The following RAB11FIP3 variants were observed in gnomAD, a reference collection of about 807,000 sequenced individuals.
The protein encoded by RAB11FIP3 is RAB11 family interacting protein 3, also known as rab11 family-interacting protein 3.
RAB11FIP3 carries 17 observed loss-of-function variants against 77.8 expected under a neutral mutation model. The observed-to-expected ratio is 0.22, with a 90% CI of 0.15 to 0.33. The LOEUF (loss-of-function observed/expected upper bound fraction) is 0.33, where lower values mean the gene tolerates loss of function less well. Ranked by LOEUF, RAB11FIP3 falls within the 10% of genes least tolerant of loss-of-function variation. RAB11FIP3 has a pLI of 1.00. For synonymous variants in RAB11FIP3, 437 were observed against 448.2 expected (o/e 0.98, Z 0.31); for missense variants, 1,005 against 1,011.2 (o/e 0.99, Z 0.08).
chr16:441,121 T>C (rs1233211769), intron 1 of RAB11FIP3, among the ~76,000 whole-genome samples: 1 of 152,140 alleles, frequency 6.6e-6, no homozygotes, highest in Non-Finnish European at 1.5e-5. Flanking sequence ...TTTTGTATTT[T>C]TATTAGAGAC....
At chr16:510,039 C>T (rs988591378) in intron 8 of RAB11FIP3, among the ~76,000 whole-genome samples, 5 of 152,122 alleles carry the variant, frequency 3.3e-5, no homozygotes, top group Admixed American at 2.0e-4. Flanking sequence ...CCCGAGGCCC[C>T]GTGCCTCTGG....
At position 482,644 on chromosome 16, in the gene RAB11FIP3, C is replaced by T. The variant is rs780685169; in HGVS notation, c.1023C>T (p.Asp341=). 11 of 1,613,240 alleles carry T rather than the reference C, an allele frequency of 6.8e-6. 1 individual carries two copies. The highest frequency in any genetic ancestry group is 4.0e-5 in the African/African-American group (3 of 74,948). ...ACCCTGAGCTGCAACCTGAAGGGGA[C>T]GCAGACAGTGCCGGCGGCTCGGCCG... ...LVHPELQPEG[D]ADSAGGSAVP... The change falls in exon 4 of 14, where the codon GAC becomes GAT. Residue 341 remains aspartate, a synonymous_variant. Transcript: ENST00000262305.
At chr16:445,948 G>C (rs545263751) in intron 1 of RAB11FIP3, among the ~76,000 whole-genome samples, 101 of 152,208 alleles carry the variant, frequency 6.6e-4, no homozygotes, top group Middle Eastern at 3.4e-3. Context: ...TCAGGTGTAG[G>C]CCCCTGTGTG....
chr16:463,541 C>G (rs1054629501), intron 2 of RAB11FIP3, among the ~76,000 whole-genome samples: 1 of 149,294 alleles, frequency 6.7e-6, no homozygotes, highest in Non-Finnish European at 1.5e-5. Context: ...CGGGTTCAAG[C>G]GATTCTCCTG....
chr16:426,958 C>G lies in RAB11FIP3; in HGVS notation c.714+238C>G, dbSNP rs1257222601. Among the ~76,000 whole-genome samples, 2 of 152,114 alleles carry G rather than the reference C, an allele frequency of 1.3e-5. No homozygotes were observed. The highest frequency in any genetic ancestry group is 2.9e-5 in the Non-Finnish European group (2 of 68,002). On this transcript the variant is annotated intron_variant, in intron 1 of 13. Coordinates refer to ENST00000262305, the MANE Select transcript of RAB11FIP3 (RefSeq NM_014700.4). The surrounding 1 kb of genome is among the most constrained non-coding windows in gnomAD (Gnocchi z 5.0). ...TTCTGGGGAGTCAGTTTCTTCCCCT[C>G]CCCCCAGCGCCTCGTCAGCTGGATC...
At chr16:464,133 C>G (rs1465969752) in intron 2 of RAB11FIP3, among the ~76,000 whole-genome samples, 1 of 152,058 alleles carries the variant, frequency 6.6e-6, no homozygotes, top group African/African-American at 2.4e-5. Flanking sequence ...AGGGGGCCTG[C>G]AGAGCAATGG....
intron 1 of RAB11FIP3, among the ~76,000 whole-genome samples, chr16:441,759 T>A (rs558392433): frequency 1.3e-5 from 2 of 152,332 alleles, no homozygotes; most frequent in South Asian, 4.1e-4. Context: ...TAACAGCCTT[T>A]GAGTGACTGA....
intron 5 of RAB11FIP3, among the ~76,000 whole-genome samples, chr16:489,916 G>A (rs1044850232): frequency 1.3e-5 from 2 of 152,242 alleles, no homozygotes; most frequent in Non-Finnish European, 2.9e-5. Context: ...AGCGTCCTGG[G>A]AGAGCTGTGC....
Position 461,274 on chromosome 16 carries a change from T to C in RAB11FIP3, c.715-130T>C, listed in dbSNP as rs1479775042. The C allele has an allele frequency of 9.6e-6, 6 of 627,844 alleles. No homozygotes were observed. The highest frequency in any genetic ancestry group is 1.7e-5 in the Non-Finnish European group (6 of 360,848). 38.9% of individuals were successfully genotyped at this position (627,844 alleles called of 1,614,324 possible). The stretch of plus-strand genomic sequence containing the variant: ...AGGAGGGGAGCTCAGGCGGTAATGC[T>C]CCCTCACCTCCTGCTGTGCTTCCCC... On this transcript the variant is annotated intron_variant, in intron 1 of 13. Coordinates refer to ENST00000262305, the MANE Select transcript of RAB11FIP3 (RefSeq NM_014700.4). This position sits in a 1 kb window ranked among gnomAD's most constrained non-coding sequence, Gnocchi z 4.5.
chr16:458,697 G>T (rs932649346), intron 1 of RAB11FIP3, among the ~76,000 whole-genome samples: 1 of 148,896 alleles, frequency 6.7e-6, no homozygotes, highest in African/African-American at 2.5e-5. Context: ...CTGCCAGCCT[G>T]TTGCCTCTCC....
rs1048823199 is a variant in RAB11FIP3, at chr16:514,001, C to T, written c.1640+3201C>T. Among the ~76,000 whole-genome samples the T allele has an allele frequency of 1.1e-4, 16 of 152,192 alleles. No homozygotes were observed. The highest frequency in any genetic ancestry group is 3.6e-4 in the African/African-American group (15 of 41,448). On this transcript the variant is annotated intron_variant, in intron 9 of 13. Coordinates refer to ENST00000262305, the MANE Select transcript of RAB11FIP3 (RefSeq NM_014700.4). The surrounding 1 kb of genome is among the most constrained non-coding windows in gnomAD (Gnocchi z 4.6). ...GCTGGGGCTGAGGTTGGGGCACAGC[C>T]GTGTGGACATCCTGCCGCCTCTGTG...
At chr16:487,940 T>G (rs1336311061) in intron 4 of RAB11FIP3, among the ~76,000 whole-genome samples, 1 of 152,200 alleles carries the variant, frequency 6.6e-6, no homozygotes, top group Non-Finnish European at 1.5e-5. Context: ...GCAGAGGTGC[T>G]TGAACCCAGA....
At chr16:492,395 CCCGGGA>C (rs2030476859) in intron 5 of RAB11FIP3, among the ~76,000 whole-genome samples, 1 of 40,584 alleles carries the variant, frequency 2.5e-5, no homozygotes, top group African/African-American at 8.8e-5. Flanking sequence ...CAGAGCCCTC[CCCGGGA>C]GACCCGAGGC....
In RAB11FIP3 at chr16:456,510, A is replaced by G. The variant is rs112061943; in HGVS notation, c.715-4894A>G. ...GTGGCTCATGCCTGTAATCCCAGCA[A>G]TTTGGGAGGCCGAGGTGGGCAGATC... On this transcript the variant is annotated intron_variant, in intron 1 of 13. Coordinates refer to ENST00000262305, the MANE Select transcript of RAB11FIP3 (RefSeq NM_014700.4). 3.9e-3 allele frequency among the ~76,000 whole-genome samples: 577 copies of G among 148,888 alleles called. 2 individuals carry two copies. The highest frequency in any genetic ancestry group is 0.013 in the African/African-American group (544 of 40,496).
chr16:445,551 C>T (rs1279431567), intron 1 of RAB11FIP3, among the ~76,000 whole-genome samples: 3 of 152,250 alleles, frequency 2.0e-5, no homozygotes, highest in East Asian at 3.9e-4. Context: ...TCTATAATCT[C>T]CCCCTTGCCC....
intron 6 of RAB11FIP3, among the ~76,000 whole-genome samples, chr16:498,273 A>G (rs1315642235): frequency 1.3e-5 from 2 of 152,026 alleles, no homozygotes; most frequent in Non-Finnish European, 2.9e-5. Flanking sequence ...TCTCAGGCTC[A>G]CTCCATCCTC....
chr16:425,888 G>T lies in RAB11FIP3; in HGVS notation c.-119G>T. 4.8e-6 allele frequency: 1 copy of T among 207,062 alleles called. No individual in the cohort carries two copies. 12.8% of individuals were successfully genotyped at this position (207,062 alleles called of 1,614,324 possible). ...CAGGGCCCGAGCGCCAGCCCCAGCA[G>T]CCCGGGCGCCCCGCGCGCGCCCGCC... On this transcript the variant is annotated 5_prime_UTR_variant, in exon 1 of 14. Coordinates refer to ENST00000262305, the MANE Select transcript of RAB11FIP3 (RefSeq NM_014700.4).
chr16:454,969 G>T (rs948634039), intron 1 of RAB11FIP3, among the ~76,000 whole-genome samples: 1 of 150,360 alleles, frequency 6.7e-6, no homozygotes, highest in Admixed American at 6.6e-5. Flanking sequence ...AGAATTGCTT[G>T]AACCCGGGAG....
intron 1 of RAB11FIP3, chr16:439,254 A>G (rs1451884470): frequency 1.3e-5 from 2 of 152,216 alleles, no homozygotes; most frequent in Non-Finnish European, 2.9e-5. Context: ...TTTTGTGTCC[A>G]GATATTTCAT....
Sources: gnomAD v4.1 joint callset for allele counts (sites outside exome capture counted in the v4.1 genomes callset) on GRCh38, gnomAD v4.1.1 for gene constraint, Gnocchi (gnomAD v3.1) non-coding constraint, MANE v1.5 for transcripts, NCBI Gene and HGNC (gene_info 2026-07-23, HGNC 2026-07-21) for gene names.